The following IL36RN variants were observed in gnomAD, a reference collection of about 807,000 sequenced individuals.
IL36RN encodes the protein interleukin 36 receptor antagonist, also known as interleukin-36 receptor antagonist protein.
IL36RN carries 11 observed loss-of-function variants against 13.0 expected under a neutral mutation model. That is an observed-to-expected ratio of 0.85 (90% CI 0.53 to 1.40). IL36RN has a LOEUF of 1.40. Ranked by LOEUF, IL36RN falls within the 40% of genes most tolerant of loss-of-function variation. The pLI is 0.00. For missense variants in IL36RN, 195 were observed against 195.3 expected, an observed-to-expected ratio of 1.00 and a Z score of 0.01; for synonymous variants, 94 against 84.1, an observed-to-expected ratio of 1.12 and a Z score of -0.64.
At chr2:113,062,017 A>T in intron 3 of IL36RN, 107 bp from the exon 4 acceptor site, 1 of 1,491,142 alleles carries the variant, frequency 6.7e-7, no homozygotes, top group Non-Finnish European at 9.1e-7. Flanking sequence ...CCTTCTGCCC[A>T]GCCTGGGGGC....
In IL36RN at chr2:113,062,142, T is replaced by G; in HGVS notation, c.134T>G (p.Val45Gly). ...KVIKGEEISV[V>G]PNRWLDASLS... Reference sequence around the variant, plus strand: ...CCCACAGGTGAAGAGATCAGCGTGGTCCCCAATCGGTGGCTGGATGCCAGC... The same window carrying G: ...CCCACAGGTGAAGAGATCAGCGTGGGCCCCAATCGGTGGCTGGATGCCAGC... Residue 45 changes from valine (V) to glycine (G), a missense_variant, in exon 4 of 5, where the codon GTC becomes GGC. Physicochemically the swap from Val to Gly is moderately radical, Grantham distance 109 (BLOSUM62 -3). Coordinates refer to ENST00000393200, the MANE Select transcript of IL36RN (RefSeq NM_012275.3). 1 of 1,614,008 alleles carries G rather than the reference T, an allele frequency of 6.2e-7. No homozygotes were observed. The highest frequency in any genetic ancestry group is 8.5e-7 in the Non-Finnish European group (1 of 1,179,952).
chr2:113,062,727 G>C lies in IL36RN; in HGVS notation c.*50G>C. ...TGGGCAGAGCCAGCTCGGGTGAGGG[G>C]TGAGTGGAGGAGACCCATGGCGGAC... On this transcript the variant is annotated 3_prime_UTR_variant, in exon 5 of 5. Transcript: ENST00000393200. 2.0e-6 allele frequency: 3 copies of C among 1,503,314 alleles called. No homozygotes were observed. Among genetic ancestry groups the C allele is most frequent in the Non-Finnish European group, 2.7e-6 (3 of 1,096,666 alleles). The allele number at this position is 1,503,314 out of a possible 1,614,324, so 93.1% of individuals were successfully genotyped here. A position where few individuals can be genotyped will look rare whatever the true frequency, so the allele number is the denominator to read the frequency against.
In IL36RN at chr2:113,062,528, C is replaced by T. The variant is rs764184851; in HGVS notation, c.319C>T (p.Leu107Phe). Residue 107 changes from leucine (L) to phenylalanine (F), a missense_variant, in exon 5 of 5, where the codon CTC (leucine) becomes TTC (phenylalanine). By Grantham distance (22) the Leu-to-Phe change is conservative. Transcript: ENST00000393200. ...SFTFYRRDMG[L>F]TSSFESAAYP... ...CACCTTCTACCGGCGGGACATGGGG[C>T]TCACCTCCAGCTTCGAGTCGGCTGC... 1.9e-6 allele frequency: 3 copies of T among 1,614,138 alleles called. No individual in the cohort carries two copies. The Admixed American group carries it at 5.0e-5, about 27-fold the overall frequency.
rs1055009029 is a variant in IL36RN at position 113,060,886 on chromosome 2, C to A, written c.64C>A (p.His22Asn). 3 of 1,614,028 alleles carry A rather than the reference C, an allele frequency of 1.9e-6. No individual in the cohort carries two copies. Among genetic ancestry groups the A allele is most frequent in the African/African-American group, 2.7e-5 (2 of 74,922 alleles). Reference sequence around the variant, plus strand: ...CTCGGCATTGAAGGTGCTTTATCTGCATAATAACCAGCTTCTAGCTGGAGG... The same window carrying A: ...CTCGGCATTGAAGGTGCTTTATCTGAATAATAACCAGCTTCTAGCTGGAGG... ...KDSALKVLYL[H>N]NNQLLAGGLH... Residue 22 changes from histidine to asparagine, a missense_variant, in exon 3 of 5, where the codon CAT (histidine) becomes AAT (asparagine). Coordinates refer to ENST00000393200, the MANE Select transcript of IL36RN (RefSeq NM_012275.3).
chr2:113,062,985 T>G lies in IL36RN; in HGVS notation c.*308T>G, dbSNP rs114200724. On this transcript the variant is annotated 3_prime_UTR_variant, in exon 5 of 5. Coordinates refer to ENST00000393200, the MANE Select transcript of IL36RN (RefSeq NM_012275.3). ...GTGGGGGAGTGGTGGGAATCATTCCTGCTTAATGGTAACTGACCAGTGTTA... is the reference window on the plus strand; with the variant it reads ...GTGGGGGAGTGGTGGGAATCATTCCGGCTTAATGGTAACTGACCAGTGTTA... The G allele has an allele frequency of 5.3e-3, 2,121 of 402,278 alleles. 41 individuals carry two copies. Among genetic ancestry groups the G allele is most frequent in the African/African-American group, 0.04 (1,965 of 48,632 alleles). 24.9% of individuals were successfully genotyped at this position (402,278 alleles called of 1,614,324 possible).
Position 113,061,652 on chromosome 2 carries a change from A to G in IL36RN, c.116-472A>G, listed in dbSNP as rs537314571. Among the ~76,000 whole-genome samples, 288 of 152,120 alleles carry G rather than the reference A, an allele frequency of 1.9e-3. 1 individual carries two copies. The highest frequency in any genetic ancestry group is 2.9e-3 in the Non-Finnish European group (196 of 67,974). ...TGTAGGTATGAGCATGTGTGTGTATATGTATATGTGTGCATGCATGTATCT... is the reference window on the plus strand; with the variant it reads ...TGTAGGTATGAGCATGTGTGTGTATGTGTATATGTGTGCATGCATGTATCT... On this transcript the variant is annotated intron_variant, in intron 3 of 4. Transcript: ENST00000393200.
Position 113,062,789 on chromosome 2 carries a change from CT to C in IL36RN, c.*114del. The C allele has an allele frequency of 1.1e-6, 1 of 950,276 alleles. No individual in the cohort carries two copies. Among genetic ancestry groups the C allele is most frequent in the Non-Finnish European group, 1.6e-6 (1 of 613,314 alleles). 58.9% of individuals were successfully genotyped at this position (950,276 alleles called of 1,614,324 possible). ...CTGCTCTCAGGACCCCCACGTCTGA[CT>C]TAGTGGGCACCTGACCACTTTGTCT... On this transcript the variant is annotated 3_prime_UTR_variant, in exon 5 of 5. Coordinates refer to ENST00000393200, the MANE Select transcript of IL36RN (RefSeq NM_012275.3).
chr2:113,062,698 T>G lies in IL36RN; in HGVS notation c.*21T>G. On this transcript the variant is annotated 3_prime_UTR_variant, in exon 5 of 5. Coordinates refer to ENST00000393200, the MANE Select transcript of IL36RN (RefSeq NM_012275.3). Reference sequence around the variant, plus strand: ...ACTAGGGCAACGTGCCCCCCAGAACTCCCTGGGCAGAGCCAGCTCGGGTGA... The same window carrying G: ...ACTAGGGCAACGTGCCCCCCAGAACGCCCTGGGCAGAGCCAGCTCGGGTGA... 6.2e-7 allele frequency: 1 copy of G among 1,600,196 alleles called. No homozygotes were observed. The highest frequency in any genetic ancestry group is 8.5e-7 in the Non-Finnish European group (1 of 1,174,616).
rs2105069116 is a variant in IL36RN, at chr2:113,062,016, C to T, written c.116-108C>T. On this transcript the variant is annotated intron_variant, in intron 3 of 4. Coordinates refer to ENST00000393200, the MANE Select transcript of IL36RN (RefSeq NM_012275.3). The stretch of plus-strand genomic sequence containing the variant: ...GCTGCTGAGAAGCCTCCCTTCTGCC[C>T]AGCCTGGGGGCAGGCCGTCTTACAG... 5 of 1,488,636 alleles carry T rather than the reference C, an allele frequency of 3.4e-6. No individual in the cohort carries two copies. In the East Asian group the frequency reaches 7.4e-5, roughly 22 times the overall value. The allele number at this position is 1,488,636 out of a possible 1,614,324, so 92.2% of individuals were successfully genotyped here.
Position 113,064,197 on chromosome 2 carries a change from A to C in IL36RN, c.*1520A>C, listed in dbSNP as rs951931874. On this transcript the variant is annotated 3_prime_UTR_variant, in exon 5 of 5. Transcript: ENST00000393200. ...AAGAGGCAAAGAAGAATTCTTCCCT[A>C]GAGGCTTTAGAGGGATAACGGCTCT... 6.6e-6 allele frequency: 1 copy of C among 152,248 alleles called. No individual in the cohort carries two copies. The highest frequency in any genetic ancestry group is 6.5e-5 in the Admixed American group (1 of 15,284). The allele number at this position is 152,248 out of a possible 1,614,324, so 9.4% of individuals were successfully genotyped here. A position where few individuals can be genotyped will look rare whatever the true frequency, so the allele number is the denominator to read the frequency against.
In IL36RN at chr2:113,059,481, G is replaced by A. The variant is rs373142020; in HGVS notation, c.29+14G>A. The A allele has an allele frequency of 3.7e-6, 6 of 1,613,734 alleles. No homozygotes were observed. Among genetic ancestry groups the A allele is most frequent in the African/African-American group, 1.3e-5 (1 of 75,006 alleles). On this transcript the variant is annotated intron_variant, in intron 2 of 4. Coordinates refer to ENST00000393200, the MANE Select transcript of IL36RN (RefSeq NM_012275.3). ...GCTGTGCTTCCGGTGAGTGTATGAG[G>A]CCCTGGTTTGGTGGTGTCCTCCGGA...
At chr2:113,059,339 A>G in intron 1 of IL36RN, 73 bp from the exon 2 acceptor site, 1 of 1,320,912 alleles carries the variant, frequency 7.6e-7, no homozygotes, top group Non-Finnish European at 1.1e-6. Context: ...AGCTCGGTGC[A>G]GCTGCTTGCT....
chr2:113,063,516 T>A lies in IL36RN; in HGVS notation c.*839T>A, dbSNP rs1184381652. On this transcript the variant is annotated 3_prime_UTR_variant, in exon 5 of 5. Transcript: ENST00000393200. ...TCAGGGTGGTGGCAGTATAGGTGAT[T>A]TTTCTTTTAATTCTGTTAATTTACC... is the stretch of plus-strand genomic sequence containing the variant. 34 of 152,218 alleles carry A rather than the reference T, an allele frequency of 2.2e-4. No individual in the cohort carries two copies. The highest frequency in any genetic ancestry group is 2.2e-3 in the Admixed American group (33 of 15,286). 9.4% of individuals were successfully genotyped at this position (152,218 alleles called of 1,614,324 possible). A position where few individuals can be genotyped will look rare whatever the true frequency, so the allele number is the denominator to read the frequency against.
chr2:113,061,873 G>T (rs6761605), intron 3 of IL36RN, among the ~76,000 whole-genome samples: 1 of 152,050 alleles, frequency 6.6e-6, no homozygotes, highest in Admixed American at 6.5e-5. Context: ...TCTATTTTGG[G>T]GTGTAGAGGC....
At chr2:113,059,986 C>T (rs768775584) in intron 2 of IL36RN, among the ~76,000 whole-genome samples, 1 of 152,184 alleles carries the variant, frequency 6.6e-6, no homozygotes, top group Non-Finnish European at 1.5e-5. Flanking sequence ...AAAGCACTTC[C>T]CATGATGTGT....
At position 113,062,164 on chromosome 2, in the gene IL36RN, C is replaced by T; in HGVS notation, c.156C>T (p.Ala52=). The change falls in exon 4 of 5, where the codon GCC becomes GCT. Residue 52 remains alanine (A), a synonymous_variant. Coordinates refer to ENST00000393200, the MANE Select transcript of IL36RN (RefSeq NM_012275.3). The part of the protein sequence containing the change: ...ISVVPNRWLD[A]SLSPVILGVQ... ...TGGTCCCCAATCGGTGGCTGGATGC[C>T]AGCCTGTCCCCCGTCATCCTGGGTG... The T allele has an allele frequency of 2.5e-6, 4 of 1,614,062 alleles. No homozygotes were observed. The highest frequency in any genetic ancestry group is 3.4e-6 in the Non-Finnish European group (4 of 1,179,964).
chr2:113,059,139 G>A, upstream of IL36RN: 1 of 479,478 alleles, frequency 2.1e-6, no homozygotes, highest in Non-Finnish European at 3.8e-6. Flanking sequence ...TCAGGTCCTG[G>A]CAGTTTCAGG....
chr2:113,060,594 G>A (rs1530553), intron 2 of IL36RN, among the ~76,000 whole-genome samples: 104,613 of 152,140 alleles, frequency 0.69, 36,760 homozygotes, highest in East Asian at 0.93. Context: ...TTCTCTTCCA[G>A]CAGGAGATGG....
In IL36RN at chr2:113,062,728, T is replaced by G. The variant is rs868480979; in HGVS notation, c.*51T>G. On this transcript the variant is annotated 3_prime_UTR_variant, in exon 5 of 5. Coordinates refer to ENST00000393200, the MANE Select transcript of IL36RN (RefSeq NM_012275.3). ...GGGCAGAGCCAGCTCGGGTGAGGGG[T>G]GAGTGGAGGAGACCCATGGCGGACA... 1 of 1,503,146 alleles carries G rather than the reference T, an allele frequency of 6.7e-7. No individual in the cohort carries two copies. The highest frequency in any genetic ancestry group is 9.1e-7 in the Non-Finnish European group (1 of 1,096,622). 93.1% of individuals were successfully genotyped at this position (1,503,146 alleles called of 1,614,324 possible).
Sources: gnomAD v4.1 joint callset for allele counts (sites outside exome capture counted in the v4.1 genomes callset) on GRCh38, gnomAD v4.1.1 for gene constraint, MANE v1.5 for transcripts, NCBI Gene and HGNC (gene_info 2026-07-23, HGNC 2026-07-21) for gene names.